Variants in WAC observed in about 807,000 individuals in gnomAD.
WAC encodes WW domain containing adaptor with coiled-coil.
A neutral mutation model predicts 79.6 loss-of-function variants in WAC; 11 were observed. That is an observed-to-expected ratio of 0.14 (90% CI 0.09 to 0.23). The LOEUF (loss-of-function observed/expected upper bound fraction) is 0.23, where lower values mean the gene tolerates loss of function less well. Ranked by LOEUF, WAC falls within the 10% of genes least tolerant of loss-of-function variation. WAC has a pLI of 1.00. For synonymous variants in WAC, 304 were observed against 276.9 expected, an observed-to-expected ratio of 1.10 and a Z score of -0.97; for missense variants, 728 against 773.5, an observed-to-expected ratio of 0.94 and a Z score of 0.70.
At chr10:28,568,445 G>A (rs332134) in intron 3 of WAC, among the ~76,000 whole-genome samples, 127,264 of 152,158 alleles carry the variant, frequency 0.84, 53,350 homozygotes, top group East Asian at 0.94. Context: ...CAGTGGCACG[G>A]TCTTGGCTCG....
At chr10:28,537,112 A>G (rs1836721814) in intron 3 of WAC, among the ~76,000 whole-genome samples, 3 of 152,244 alleles carry the variant, frequency 2.0e-5, no homozygotes, top group Non-Finnish European at 4.4e-5. Context: ...CTGGGATTGA[A>G]TAATTTGGAT....
intron 3 of WAC, among the ~76,000 whole-genome samples, chr10:28,552,285 G>A (rs332121): frequency 0.84 from 127,321 of 152,216 alleles, 53,374 homozygotes; most frequent in East Asian, 0.94. Context: ...GTGATGTATC[G>A]TTATGGTTTT....
chr10:28,560,984 T>TAGAGAATGTCTACTGAATGCCAGATGA (rs890163810), intron 3 of WAC, among the ~76,000 whole-genome samples: 1 of 152,100 alleles, frequency 6.6e-6, no homozygotes, highest in Non-Finnish European at 1.5e-5. Context: ...GAAGAGAACC[T>TAGAGAATGTCTACTGAATGCCAGATGA]AGAGAATGTC....
At chr10:28,611,438 A>T (rs1409753338) in intron 9 of WAC, 1 of 1,317,848 alleles carries the variant, frequency 7.6e-7, no homozygotes, top group Admixed American at 2.3e-5. Flanking sequence ...ACTGCGTGGG[A>T]TACCTGGGCC....
At chr10:28,547,807 G>T (rs1746784213) in intron 3 of WAC, among the ~76,000 whole-genome samples, 1 of 150,942 alleles carries the variant, frequency 6.6e-6, no homozygotes. Flanking sequence ...CTTTATCCTT[G>T]GATCTAAAAC....
At chr10:28,569,395 A>C (rs969297383) in intron 3 of WAC, among the ~76,000 whole-genome samples, 2 of 152,242 alleles carry the variant, frequency 1.3e-5, no homozygotes, top group Middle Eastern at 3.2e-3. Flanking sequence ...AATGTTATCA[A>C]CTGCTCTCTT....
At chr10:28,553,642 G>A (rs1348532216) in intron 3 of WAC, among the ~76,000 whole-genome samples, 1 of 152,120 alleles carries the variant, frequency 6.6e-6, no homozygotes, top group Non-Finnish European at 1.5e-5. Context: ...TTAAGTTAAA[G>A]TTTTAAGGTT....
At chr10:28,565,065 T>C (rs929529187) in intron 3 of WAC, among the ~76,000 whole-genome samples, 1 of 151,710 alleles carries the variant, frequency 6.6e-6, no homozygotes, top group African/African-American at 2.4e-5. Flanking sequence ...TTCAGGAATG[T>C]GTTATGTATA....
chr10:28,533,577 T>G lies in WAC; in HGVS notation c.-3T>G. ...CCGACACACACTCACAGGCCGGGCA[T>G]TGATGGTAATGTATGCGAGGAAACA... On this transcript the variant is annotated 5_prime_UTR_variant, in exon 1 of 14. Coordinates refer to ENST00000354911, the MANE Select transcript of WAC (RefSeq NM_016628.5). 2.3e-5 allele frequency: 35 copies of G among 1,526,206 alleles called. No homozygotes were observed. The highest frequency in any genetic ancestry group is 1.4e-4 in the East Asian group (5 of 36,546). 94.5% of individuals were successfully genotyped at this position (1,526,206 alleles called of 1,614,324 possible).
chr10:28,574,152 T>G (rs916097423), intron 3 of WAC, among the ~76,000 whole-genome samples: 1 of 152,132 alleles, frequency 6.6e-6, no homozygotes, highest in Non-Finnish European at 1.5e-5. Flanking sequence ...ATTATGTGTT[T>G]TTTTGTTTTG....
chr10:28,614,842 G>A lies in WAC; in HGVS notation c.1556+157G>A, dbSNP rs332174. 0.56 allele frequency: 326,683 copies of A among 580,364 alleles called. 93,574 individuals carry two copies. Among genetic ancestry groups the A allele is most frequent in the East Asian group, 0.71 (23,119 of 32,578 alleles). The allele number at this position is 580,364 out of a possible 1,614,324, so 36.0% of individuals were successfully genotyped here. ...TTGTAAAATTTACAAAGACAAACCT[G>A]TATACAAGAGGTAGGTTATTGTCTC... On this transcript the variant is annotated intron_variant, in intron 11 of 13. Coordinates refer to ENST00000354911, the MANE Select transcript of WAC (RefSeq NM_016628.5).
At chr10:28,538,867 A>T (rs201229401) in intron 3 of WAC, among the ~76,000 whole-genome samples, 20 of 22,012 alleles carry the variant, frequency 9.1e-4, no homozygotes, top group African/African-American at 7.3e-3. Context: ...CCGTCTGTTT[A>T]AAAAAAAAAA....
At chr10:28,545,635 A>G (rs1432698712) in intron 3 of WAC, among the ~76,000 whole-genome samples, 1 of 152,212 alleles carries the variant, frequency 6.6e-6, no homozygotes, top group Non-Finnish European at 1.5e-5. Flanking sequence ...TGATTATTAG[A>G]GTGGTTATTT....
intron 3 of WAC, among the ~76,000 whole-genome samples, chr10:28,554,453 A>C (rs567474759): frequency 6.6e-6 from 1 of 152,338 alleles, no homozygotes; most frequent in Non-Finnish European, 1.5e-5. Context: ...ATAAAACTTA[A>C]GAGTTGTATT....
At chr10:28,585,758 A>G (rs900335631) in intron 4 of WAC, among the ~76,000 whole-genome samples, 2 of 152,164 alleles carry the variant, frequency 1.3e-5, no homozygotes, top group African/African-American at 4.8e-5. Flanking sequence ...CTAGGACAGC[A>G]GCAGCCCTTG....
chr10:28,541,416 T>TGTG (rs1236208182), intron 3 of WAC, among the ~76,000 whole-genome samples: 1,209 of 36,680 alleles, frequency 0.033, 27 homozygotes, highest in South Asian at 0.12. Flanking sequence ...TGTGTGTGTG[T>TGTG]TTTGTTTTTT....
intron 4 of WAC, among the ~76,000 whole-genome samples, chr10:28,583,725 C>T (rs1839661725): frequency 6.6e-6 from 1 of 152,004 alleles, no homozygotes; most frequent in South Asian, 2.1e-4. Context: ...AAGATAGTAT[C>T]TTTGGTATTA....
rs757461406 is a variant in WAC, at chr10:28,614,657, G to C, written c.1528G>C (p.Val510Leu). The change falls in exon 11 of 14, where the codon GTC becomes CTC. Residue 510 changes from valine to leucine, a missense_variant. Around this residue, in one of 3 missense-constraint regions of WAC, gnomAD observed 648 missense variants for 661.5 expected, o/e 0.98. Coordinates refer to ENST00000354911, the MANE Select transcript of WAC (RefSeq NM_016628.5). ...TADKQQGHEP[V>L]SPRSLQRSSS... ...TGACAAGCAGCAAGGTCATGAACCT[G>C]TCTCTCCTCGAAGTCTTCAGCGCTC... 29 of 1,614,134 alleles carry C rather than the reference G, an allele frequency of 1.8e-5. No individual in the cohort carries two copies. The highest frequency in any genetic ancestry group is 2.4e-5 in the Non-Finnish European group (28 of 1,179,998).
chr10:28,587,703 T>C (rs1390741444), intron 4 of WAC, among the ~76,000 whole-genome samples: 2 of 152,242 alleles, frequency 1.3e-5, no homozygotes, highest in South Asian at 2.1e-4. Flanking sequence ...CCTTAACTCC[T>C]TGAGGATGGC....
Sources: allele counts gnomAD v4.1 joint callset (sites outside exome capture counted in the v4.1 genomes callset), GRCh38; gene constraint gnomAD v4.1.1; regional missense constraint gnomAD v4.1.1; transcripts MANE v1.5; gene names NCBI Gene and HGNC (gene_info 2026-07-23, HGNC 2026-07-21).